COL6A5: variants seen among roughly 807,000 people sequenced by gnomAD.
COL6A5 encodes collagen type VI alpha 5 chain.
A neutral mutation model predicts 65.6 loss-of-function variants in COL6A5; 48 were observed. The observed-to-expected ratio is 0.73, with a 90% confidence interval of 0.58 to 0.93. The LOEUF (loss-of-function observed/expected upper bound fraction) is 0.93. Ranked by LOEUF, COL6A5 falls within the 40% of genes least tolerant of loss-of-function variation. The pLI is 0.00. For missense variants in COL6A5, 914 were observed against 928.3 expected (o/e 0.98, Z 0.20); for synonymous variants, 291 against 322.8 (o/e 0.90, Z 1.05).
At chr3:130,356,583 G>A (rs979465866) in intron 1 of COL6A5, among the ~76,000 whole-genome samples, 4 of 151,848 alleles carry the variant, frequency 2.6e-5, no homozygotes, top group Non-Finnish European at 4.4e-5. Flanking sequence ...GTTATATATA[G>A]GGGAAACTTT....
chr3:130,406,521 A>G (rs1159037194), intron 17 of COL6A5, among the ~76,000 whole-genome samples, 200 bp downstream of exon 17: 1 of 152,168 alleles, frequency 6.6e-6, no homozygotes, highest in Non-Finnish European at 1.5e-5. Flanking sequence ...ATTTCCACCT[A>G]GAAAAATTTA....
rs774508001 is a variant in COL6A5, at chr3:130,395,377, A to G, written c.3480A>G (p.Ile1160Met). 5 of 1,548,658 alleles carry G rather than the reference A, an allele frequency of 3.2e-6. No homozygotes were observed. In the South Asian group the frequency reaches 6.0e-5, roughly 19 times the overall value. The change falls in exon 8 of 42, where the codon ATA becomes ATG. Residue 1160 changes from isoleucine (I) to methionine (M), a missense_variant and NMD_transcript_variant. Ile to Met is a conservative substitution (Grantham distance 10). Coordinates refer to the COL6A5 transcript ENST00000312481. ...CAATAACAGGCAATTCTGAAAAAAT[A>G]ATCACTTTTCAAGACTTTGATAAAT...
rs556726223 is a variant in COL6A5 at position 130,403,572 on chromosome 3, G to C, written c.4228-37G>C. 77 of 1,523,826 alleles carry C rather than the reference G, an allele frequency of 5.1e-5. No individual in the cohort carries two copies. The East Asian group carries it at 1.5e-3, about 31-fold the overall frequency. The allele number at this position is 1,523,826 out of a possible 1,614,324, so 94.4% of individuals were successfully genotyped here. ...TCACAAGTTTGACTTTATTGGGGGGGGGTGACTAAAATGTATTGTTCTCTC... is the reference window on the plus strand; with the variant it reads ...TCACAAGTTTGACTTTATTGGGGGGCGGTGACTAAAATGTATTGTTCTCTC... On this transcript the variant is annotated intron_variant and NMD_transcript_variant, in intron 12 of 41. Coordinates refer to the COL6A5 transcript ENST00000312481.
intron 5 of COL6A5, among the ~76,000 whole-genome samples, chr3:130,460,636 G>A (rs557466599): frequency 5.3e-5 from 8 of 152,092 alleles, no homozygotes; most frequent in East Asian, 1.9e-4. Context: ...TGATGGAGGC[G>A]GTGGTGATGA....
intron 5 of COL6A5, among the ~76,000 whole-genome samples, chr3:130,468,003 A>C (rs936507200): frequency 6.6e-6 from 1 of 152,048 alleles, no homozygotes; most frequent in South Asian, 2.1e-4. Flanking sequence ...ATGATCCCTT[A>C]GGCTTAGAGC....
intron 5 of COL6A5, among the ~76,000 whole-genome samples, chr3:130,387,930 A>ATATGTG (rs1936255937): frequency 6.6e-6 from 1 of 151,922 alleles, no homozygotes; most frequent in African/African-American, 2.4e-5. Context: ...ATGTGTGTAT[A>ATATGTG]TATATGTATA....
chr3:130,455,311 A>T (rs1709545468), intron 4 of COL6A5, 144 bp from the exon 37 acceptor site: 1 of 603,032 alleles, frequency 1.7e-6, no homozygotes, highest in Admixed American at 3.0e-5. Flanking sequence ...ATCTCAATGA[A>T]TTATTTGATT....
At chr3:130,389,245 GT>G (rs1577457544) in intron 6 of COL6A5, 111 bp downstream of exon 6, 2 of 640,490 alleles carry the variant, frequency 3.1e-6, no homozygotes, top group Non-Finnish European at 4.7e-6. Flanking sequence ...TCAGTGTTAA[GT>G]TTTGGTCTTC....
chr3:130,376,708 T>A (rs1041461048), exon 3 of COL6A5: 9 of 1,613,712 alleles, frequency 5.6e-6, no homozygotes, highest in Non-Finnish European at 7.6e-6. Context: ...CTGAAGGCCA[T>A]GGCCACATCC....
chr3:130,374,673 C>G (rs1935698159), intron 2 of COL6A5, among the ~76,000 whole-genome samples: 1 of 152,126 alleles, frequency 6.6e-6, no homozygotes, highest in African/African-American at 2.4e-5. Flanking sequence ...AGGCTGGTCT[C>G]AATCTCCTGG....
At chr3:130,351,225 G>C (rs1290537754) in intron 1 of COL6A5, among the ~76,000 whole-genome samples, 1 of 152,174 alleles carries the variant, frequency 6.6e-6, no homozygotes, top group East Asian at 1.9e-4. Context: ...AGAAAACCTA[G>C]GCAATACCAT....
chr3:130,404,697 C>T (rs1936926411), intron 13 of COL6A5, among the ~76,000 whole-genome samples: 1 of 152,216 alleles, frequency 6.6e-6, no homozygotes, highest in Non-Finnish European at 1.5e-5. Context: ...TACCTCTCAG[C>T]AACCTGTGGC....
rs1388020009 is a variant in COL6A5 at position 130,379,739 on chromosome 3, A to G, written c.989A>G (p.Tyr330Cys). 3.2e-6 allele frequency: 5 copies of G among 1,551,320 alleles called. No homozygotes were observed. The Admixed American group carries it at 5.9e-5, about 18-fold the overall frequency. The change falls in exon 4 of 42, where the codon TAT becomes TGT. Residue 330 changes from tyrosine to cysteine, a missense_variant and NMD_transcript_variant. Physicochemically the swap from Tyr to Cys is radical, Grantham distance 194 (BLOSUM62 -2). Coordinates refer to the COL6A5 transcript ENST00000312481. ...AGAAGAGACGGCTTCTCAGAGTCAT[A>G]TGGCAGCAGAAGAGCACAAGGAGTG...
exon 28 of COL6A5, chr3:130,422,777 C>G: frequency 6.7e-7 from 1 of 1,501,356 alleles, no homozygotes; most frequent in Non-Finnish European, 8.9e-7. Context: ...ATTTAGGGGA[C>G]TAGCAGTAAG....
intron 7 of COL6A5, 73 bp from the exon 8 acceptor site, chr3:130,394,817 T>G: frequency 9.2e-7 from 1 of 1,086,838 alleles, no homozygotes; most frequent in Non-Finnish European, 1.3e-6. Flanking sequence ...AGTAAAGCAA[T>G]TTAAGTATAT....
intron 23 of COL6A5, 34 bp downstream of exon 23, chr3:130,415,741 C>A: frequency 6.7e-7 from 1 of 1,482,756 alleles, no homozygotes; most frequent in Non-Finnish European, 9.0e-7. Flanking sequence ...CTCAATGACT[C>A]TCAACAGTTA....
intron 4 of COL6A5, among the ~76,000 whole-genome samples, chr3:130,382,870 A>G (rs753661330): frequency 6.6e-6 from 1 of 152,098 alleles, no homozygotes; most frequent in African/African-American, 2.4e-5. Context: ...TAAAAATGAG[A>G]GCTATCAATG....
Position 130,413,530 on chromosome 3 carries a change from C to A in COL6A5, c.4663-15C>A. 3.2e-6 allele frequency: 5 copies of A among 1,547,546 alleles called. No homozygotes were observed. Among genetic ancestry groups the A allele is most frequent in the Non-Finnish European group, 4.4e-6 (5 of 1,143,672 alleles). On this transcript the variant is annotated splice_polypyrimidine_tract_variant and intron_variant and NMD_transcript_variant, in intron 20 of 41. Coordinates refer to the COL6A5 transcript ENST00000312481. ...CAGACATCCACATACTAACAGTTTGCCTTTTCTGTCCCAGGGAAGAGAAGG... is the reference window on the plus strand; with the variant it reads ...CAGACATCCACATACTAACAGTTTGACTTTTCTGTCCCAGGGAAGAGAAGG...
intron 1 of COL6A5, among the ~76,000 whole-genome samples, chr3:130,434,679 A>C (rs890624949): frequency 2.0e-5 from 3 of 152,150 alleles, no homozygotes; most frequent in African/African-American, 7.2e-5. Context: ...GCATTTCTCT[A>C]ATGATCAGTG....
Sources: gnomAD v4.1 joint callset for allele counts (sites outside exome capture counted in the v4.1 genomes callset) on GRCh38, gnomAD v4.1.1 for gene constraint, MANE v1.5 for transcripts, NCBI Gene and HGNC (gene_info 2026-07-23, HGNC 2026-07-21) for gene names.